Variants in BBS9 observed in about 807,000 individuals in gnomAD.
BBS9 encodes Bardet-Biedl syndrome 9.
In BBS9, 89 loss-of-function variants were observed where a neutral mutation model predicts 117.7. The observed-to-expected ratio is 0.76, with a 90% confidence interval of 0.64 to 0.90. The LOEUF (loss-of-function observed/expected upper bound fraction) is 0.90, where lower values mean the gene tolerates loss of function less well. Ranked by LOEUF, BBS9 falls within the 40% of genes least tolerant of loss-of-function variation. The probability of loss-of-function intolerance (pLI) is 0.00; values close to 1 mark genes in which losing one functional copy is unlikely to be tolerated. For synonymous variants in BBS9, 379 were observed against 370.9 expected, an observed-to-expected ratio of 1.02 and a Z score of -0.25; for missense variants, 982 against 1,042.2, an observed-to-expected ratio of 0.94 and a Z score of 0.80.
intron 21 of BBS9, among the ~76,000 whole-genome samples, chr7:33,570,802 A>G (rs1857652758): frequency 6.6e-6 from 1 of 152,220 alleles, no homozygotes; most frequent in South Asian, 2.1e-4. Context: ...ACACAACCTC[A>G]ATCTAATTAT....
At chr7:33,356,035 G>T (rs1363893581) in intron 15 of BBS9, among the ~76,000 whole-genome samples, 1 of 151,782 alleles carries the variant, frequency 6.6e-6, no homozygotes, top group African/African-American at 2.4e-5. Flanking sequence ...ATAGAAGATA[G>T]TTTCTTTTTG....
intron 20 of BBS9, among the ~76,000 whole-genome samples, chr7:33,516,070 A>G (rs1057178811): frequency 4.6e-5 from 7 of 152,228 alleles, no homozygotes; most frequent in Admixed American, 2.0e-4. Flanking sequence ...GCTAAGATAA[A>G]GGCTGTACAT....
intron 5 of BBS9, among the ~76,000 whole-genome samples, chr7:33,212,852 T>A (rs1370339630): frequency 6.6e-6 from 1 of 152,194 alleles, no homozygotes; most frequent in African/African-American, 2.4e-5. Context: ...TTACTTTCTC[T>A]CAATTGAACG....
chr7:33,328,993 T>A (rs939933036), intron 9 of BBS9, among the ~76,000 whole-genome samples: 1 of 145,442 alleles, frequency 6.9e-6, no homozygotes, highest in Admixed American at 6.9e-5. Context: ...GTTTTCCTTC[T>A]TTTATTTATT....
intron 21 of BBS9, among the ~76,000 whole-genome samples, chr7:33,545,250 A>C (rs1206488441): frequency 6.6e-6 from 1 of 152,090 alleles, no homozygotes; most frequent in Non-Finnish European, 1.5e-5. Context: ...AAATTGTTAC[A>C]AAGTTCAGCT....
chr7:33,373,350 G>T (rs1029806530), intron 17 of BBS9, among the ~76,000 whole-genome samples: 1 of 152,156 alleles, frequency 6.6e-6, no homozygotes, highest in Non-Finnish European at 1.5e-5. Context: ...TTTCAACTTA[G>T]AATGCTGTGT....
At chr7:33,277,125 G>A (rs145019334) in intron 9 of BBS9, 5 of 192,182 alleles carry the variant, frequency 2.6e-5, no homozygotes, top group Middle Eastern at 1.1e-3. Context: ...ATTAGTGTCT[G>A]TAAACCACAA....
chr7:33,233,217 T>C (rs1792825545), intron 5 of BBS9, among the ~76,000 whole-genome samples: 1 of 152,136 alleles, frequency 6.6e-6, no homozygotes, highest in Non-Finnish European at 1.5e-5. Flanking sequence ...AATTTATTTT[T>C]GTTTTTATTC....
intron 4 of BBS9, among the ~76,000 whole-genome samples, chr7:33,168,530 GAAATT>G (rs997351696): frequency 1.3e-5 from 2 of 152,044 alleles, no homozygotes; most frequent in Non-Finnish European, 2.9e-5. Flanking sequence ...GTTCAAAAGA[GAAATT>G]AAATTTTACT....
chr7:33,195,293 T>C (rs930897298), intron 5 of BBS9, among the ~76,000 whole-genome samples: 3 of 152,196 alleles, frequency 2.0e-5, no homozygotes, highest in African/African-American at 7.2e-5. Context: ...TTATATACTT[T>C]AGACTTTGGG....
In BBS9 at chr7:33,332,438, G is replaced by C. The variant is rs1311224622; in HGVS notation, c.1017-4003G>C. Among the ~76,000 whole-genome samples the C allele has an allele frequency of 2.6e-5, 4 of 152,188 alleles. No homozygotes were observed. In the East Asian group the frequency reaches 7.7e-4, roughly 29 times the overall value. On this transcript the variant is annotated intron_variant, in intron 9 of 22. Transcript: ENST00000242067. Reference sequence around the variant, plus strand: ...TCACGCCTGTAATCCCAGCACTTTGGGAGGCTGAGGCAGGTGGATCACGAG... The same window carrying C: ...TCACGCCTGTAATCCCAGCACTTTGCGAGGCTGAGGCAGGTGGATCACGAG...
chr7:33,371,573 A>G (rs1402977982), intron 17 of BBS9, among the ~76,000 whole-genome samples: 1 of 152,180 alleles, frequency 6.6e-6, no homozygotes, highest in Non-Finnish European at 1.5e-5. Context: ...AAGTCCGTGA[A>G]GAAGAGAGAG....
chr7:33,284,207 C>T (rs1802451889), intron 9 of BBS9, among the ~76,000 whole-genome samples: 1 of 152,098 alleles, frequency 6.6e-6, no homozygotes, highest in Non-Finnish European at 1.5e-5. Context: ...TACTGTGGTC[C>T]AGAATTTAAG....
intron 4 of BBS9, among the ~76,000 whole-genome samples, chr7:33,175,194 C>T (rs1316271561): frequency 1.3e-5 from 2 of 152,142 alleles, no homozygotes; most frequent in South Asian, 2.1e-4. Context: ...ATCCCAGCTA[C>T]TCAGGAGGCT....
At chr7:33,146,751 A>G (rs1485418425) in intron 2 of BBS9, among the ~76,000 whole-genome samples, 2 of 151,176 alleles carry the variant, frequency 1.3e-5, no homozygotes, top group East Asian at 3.9e-4. Flanking sequence ...GAAAATGTGT[A>G]CTTTTTAGAA....
At chr7:33,441,112 G>A (rs759337660) in intron 19 of BBS9, among the ~76,000 whole-genome samples, 6 of 152,072 alleles carry the variant, frequency 3.9e-5, no homozygotes. Flanking sequence ...AAGCATGAAA[G>A]CAATAATCGA....
intron 19 of BBS9, among the ~76,000 whole-genome samples, chr7:33,493,622 C>T (rs1276499293): frequency 2.0e-5 from 3 of 152,138 alleles, no homozygotes; most frequent in African/African-American, 7.2e-5. Context: ...GCCCAGCTGT[C>T]CTTTAGGTAG....
chr7:33,472,349 T>A (rs1287068053), intron 19 of BBS9, among the ~76,000 whole-genome samples: 16 of 152,198 alleles, frequency 1.1e-4, no homozygotes, highest in Admixed American at 1.0e-3. Context: ...GATATTATAG[T>A]GGATAATAGC....
chr7:33,314,959 A>G (rs746738612), intron 9 of BBS9, among the ~76,000 whole-genome samples: 3 of 152,200 alleles, frequency 2.0e-5, no homozygotes, highest in Non-Finnish European at 2.9e-5. Context: ...TGTGCCAATT[A>G]GCTTTGCTGT....
Sources: gnomAD v4.1 joint callset for allele counts (sites outside exome capture counted in the v4.1 genomes callset) on GRCh38, gnomAD v4.1.1 for gene constraint, MANE v1.5 for transcripts, NCBI Gene and HGNC (gene_info 2026-07-23, HGNC 2026-07-21) for gene names.